The following OBSL1 variants were observed in gnomAD, a reference collection of about 807,000 sequenced individuals.
The protein encoded by OBSL1 is obscurin-like protein 1.
A neutral mutation model predicts 172.0 loss-of-function variants in OBSL1; 160 were observed. The observed-to-expected ratio is 0.93, with a 90% CI of 0.82 to 1.06. The LOEUF (loss-of-function observed/expected upper bound fraction) is 1.06, where lower values mean the gene tolerates loss of function less well. OBSL1 is among the 50% of genes least tolerant of loss of function. The pLI is 0.00. For synonymous variants in OBSL1, 1,200 were observed against 1,196.3 expected, an observed-to-expected ratio of 1.00 and a Z score of -0.06; for missense variants, 2,681 against 2,715.4, an observed-to-expected ratio of 0.99 and a Z score of 0.28.
intron 9 of OBSL1, chr2:219,559,001 T>C (rs1341305639): frequency 1.8e-6 from 1 of 553,366 alleles, no homozygotes; most frequent in Non-Finnish European, 3.2e-6. Flanking sequence ...TCAATGAGTA[T>C]TGAACGAATG....
intron 7 of OBSL1, chr2:219,563,113 G>A: frequency 1.9e-6 from 1 of 523,298 alleles, no homozygotes; most frequent in Non-Finnish European, 3.4e-6. Context: ...ATTTCCCTTG[G>A]TACAGGTTTT....
chr2:219,549,735 C>T (rs978451930), downstream of OBSL1: 6 of 1,613,794 alleles, frequency 3.7e-6, no homozygotes, highest in Non-Finnish European at 4.2e-6. Flanking sequence ...CCAGAGCTTC[C>T]GAGACCGGCA....
Position 219,556,679 on chromosome 2 carries a change from C to G in OBSL1, c.4111G>C (p.Val1371Leu). 1 of 1,610,510 alleles carries G rather than the reference C, an allele frequency of 6.2e-7. No individual in the cohort carries two copies. The highest frequency in any genetic ancestry group is 8.5e-7 in the Non-Finnish European group (1 of 1,176,994). ...KLVSELTPLTVHEGDDATFRC... is the reference protein window; with the variant it reads ...KLVSELTPLTLHEGDDATFRC... ...AACGTGGCATCATCGCCCTCGTGGACAGTGAGTGGTGTCAGCTCCGAGACC... is the reference window on the plus strand; with the variant it reads ...AACGTGGCATCATCGCCCTCGTGGAGAGTGAGTGGTGTCAGCTCCGAGACC... The change falls in exon 13 of 21, where the codon GTC (valine) becomes CTC (leucine). Residue 1371 changes from valine (V) to leucine (L), a missense_variant. Coordinates refer to ENST00000404537, the MANE Select transcript of OBSL1 (RefSeq NM_015311.3).
downstream of OBSL1, chr2:219,547,969 GC>G: frequency 2.5e-6 from 4 of 1,588,510 alleles, no homozygotes; most frequent in Admixed American, 1.7e-5. Flanking sequence ...CTGCTCCTGT[GC>G]CCCCACTCTG....
intron 8 of OBSL1, among the ~76,000 whole-genome samples, chr2:219,559,848 A>T (rs922821744): frequency 1.3e-5 from 2 of 152,250 alleles, no homozygotes; most frequent in Non-Finnish European, 2.9e-5. Context: ...TCTTACAGAT[A>T]CAAGCATATA....
Position 219,570,457 on chromosome 2 carries a change from T to C in OBSL1, c.776A>G (p.Glu259Gly). The change falls in exon 1 of 21, where the codon GAG becomes GGG. Residue 259 changes from glutamate to glycine, a missense_variant. Coordinates refer to ENST00000404537, the MANE Select transcript of OBSL1 (RefSeq NM_015311.3). ...KCAPKTFWVN[E>G]GKHAKFRCYV... is the part of the protein sequence containing the mutation. ...GCAGCGGAACTTGGCGTGCTTGCCC[T>C]CGTTCACCCAGAAGGTCTTAGGCGC... 1 of 1,612,954 alleles carries C rather than the reference T, an allele frequency of 6.2e-7. No individual in the cohort carries two copies. Among genetic ancestry groups the C allele is most frequent in the Non-Finnish European group, 8.5e-7 (1 of 1,179,542 alleles).
downstream of OBSL1, chr2:219,547,576 C>T: frequency 6.8e-7 from 1 of 1,471,316 alleles, no homozygotes; most frequent in South Asian, 1.5e-5. Flanking sequence ...TCTTCCTCCT[C>T]TGCTACCGAG....
chr2:219,564,219 C>G (rs1303130884), intron 6 of OBSL1, among the ~76,000 whole-genome samples: 2 of 152,214 alleles, frequency 1.3e-5, no homozygotes, highest in Non-Finnish European at 2.9e-5. Context: ...ACCCTGGATA[C>G]TGGGGCTCTG....
chr2:219,566,472 T>G (rs908763140), intron 5 of OBSL1, among the ~76,000 whole-genome samples: 3 of 152,076 alleles, frequency 2.0e-5, no homozygotes, highest in African/African-American at 7.2e-5. Flanking sequence ...CGTAGAAAGT[T>G]GCGATGACAA....
Position 219,565,818 on chromosome 2 carries a change from G to A in OBSL1, c.2135-304C>T, listed in dbSNP as rs1311499990. Among the ~76,000 whole-genome samples, 3 of 152,156 alleles carry A rather than the reference G, an allele frequency of 2.0e-5. No individual in the cohort carries two copies. In the East Asian group the frequency reaches 5.8e-4, roughly 29 times the overall value. On this transcript the variant is annotated intron_variant, in intron 5 of 20. Transcript: ENST00000404537. Reference sequence around the variant, plus strand: ...TTTGGAAATGCTGCTCTGGTTGCTGGTCAGGTCTCACCTGGCCCCTCTGCC... The same window carrying A: ...TTTGGAAATGCTGCTCTGGTTGCTGATCAGGTCTCACCTGGCCCCTCTGCC...
intron 16 of OBSL1, among the ~76,000 whole-genome samples, chr2:219,553,295 C>T (rs901769816): frequency 1.3e-5 from 2 of 152,196 alleles, no homozygotes; most frequent in Non-Finnish European, 2.9e-5. Context: ...GACATGGGCA[C>T]GGATTCTGGA....
intron 12 of OBSL1, 74 bp from the exon 13 acceptor site, chr2:219,556,797 G>T: frequency 1.4e-6 from 2 of 1,441,316 alleles, no homozygotes; most frequent in Non-Finnish European, 1.9e-6. Flanking sequence ...TCCTCAGGAT[G>T]CAGGCCCTCG....
intron 13 of OBSL1, 28 bp downstream of exon 13, chr2:219,556,424 CAG>C (rs778301950): frequency 2.5e-6 from 4 of 1,611,868 alleles, no homozygotes; most frequent in African/African-American, 1.3e-5. Flanking sequence ...GCACGGGACA[CAG>C]AGTATCTCAT....
At chr2:219,561,365 A>G (rs1465612714) in intron 8 of OBSL1, among the ~76,000 whole-genome samples, 1 of 151,840 alleles carries the variant, frequency 6.6e-6, no homozygotes, top group East Asian at 1.9e-4. Flanking sequence ...CCGGCACTGA[A>G]CCTCCGTCAC....
At chr2:219,547,487 A>C, downstream of OBSL1, 1 of 1,393,204 alleles carries the variant, frequency 7.2e-7, no homozygotes. Flanking sequence ...GCCCCTCACT[A>C]GCCCCTGTTC....
intron 12 of OBSL1, 189 bp downstream of exon 12, chr2:219,557,154 T>C (rs1329793121): frequency 3.5e-6 from 2 of 569,644 alleles, no homozygotes; most frequent in African/African-American, 3.8e-5. Flanking sequence ...TAACCACTGG[T>C]TTATGCTGCT....
rs377614503 is a variant in OBSL1, at chr2:219,567,388, G to A, written c.1722C>T (p.Ala574=). ...GCACACAGTCGCCCGGCACCTCCAC[G>A]GCTCCGGCTTTCTCGATGCTGAAGC... ...IQCFSIEKAG[A]VEVPGDCVPS... The change falls in exon 4 of 21, where the codon GCC becomes GCT. Residue 574 remains alanine (A), a synonymous_variant. Coordinates refer to ENST00000404537, the MANE Select transcript of OBSL1 (RefSeq NM_015311.3). The A allele has an allele frequency of 4.8e-4, 777 of 1,612,962 alleles. No individual in the cohort carries two copies. Among genetic ancestry groups the A allele is most frequent in the Non-Finnish European group, 6.3e-4 (741 of 1,179,482 alleles).
At chr2:219,556,815 T>C in intron 12 of OBSL1, 92 bp from the exon 13 acceptor site, 9 of 1,367,092 alleles carry the variant, frequency 6.6e-6, no homozygotes, top group Non-Finnish European at 8.9e-6. Flanking sequence ...TCGTCCCCAG[T>C]CATTTAACAG....
chr2:219,547,553 G>C, downstream of OBSL1: 1 of 1,462,022 alleles, frequency 6.8e-7, no homozygotes, highest in Non-Finnish European at 9.1e-7. Context: ...GTTGCTGTTT[G>C]GCTCGGTGGT....
Sources: gnomAD v4.1 joint callset for allele counts (sites outside exome capture counted in the v4.1 genomes callset) on GRCh38, gnomAD v4.1.1 for gene constraint, MANE v1.5 for transcripts, NCBI Gene and HGNC (gene_info 2026-07-23, HGNC 2026-07-21) for gene names.